PBX1: variants seen among roughly 807,000 people sequenced by gnomAD.
PBX1 encodes the protein pre-B-cell leukemia transcription factor 1.
Under a neutral mutation model 53.4 loss-of-function variants are expected in PBX1, and 6 were observed. That is an observed-to-expected ratio of 0.11 (90% CI 0.06 to 0.22). The LOEUF (loss-of-function observed/expected upper bound fraction) is 0.22, where lower values mean the gene tolerates loss of function less well. Among genes scored for constraint, PBX1 ranks in the 10% least tolerant of loss-of-function variants. PBX1 has a pLI of 1.00. For synonymous variants in PBX1, 204 were observed against 212.3 expected (o/e 0.96, Z 0.34); for missense variants, 251 against 551.4 (o/e 0.46, Z 5.46).
intron 2 of PBX1, among the ~76,000 whole-genome samples, chr1:164,689,707 C>T (rs1191906822): frequency 2.0e-5 from 3 of 152,198 alleles, no homozygotes; most frequent in Non-Finnish European, 4.4e-5. Context: ...AGATGGCCAA[C>T]GATCTGCTGA....
intron 2 of PBX1, among the ~76,000 whole-genome samples, chr1:164,737,051 G>A (rs562089265): frequency 1.3e-5 from 2 of 152,326 alleles, no homozygotes; most frequent in South Asian, 2.1e-4. Flanking sequence ...CAAGAAAGGT[G>A]TGTGTCTAAG....
chr1:164,735,978 T>C (rs760487989), intron 2 of PBX1, among the ~76,000 whole-genome samples: 6 of 152,136 alleles, frequency 3.9e-5, no homozygotes, highest in African/African-American at 1.2e-4. Context: ...TCAGGAGTCA[T>C]TGTGGCTTGT....
In PBX1 at chr1:164,785,888, G is replaced by A. The variant is rs1028083592; in HGVS notation, c.266-6606G>A. 3.9e-5 allele frequency among the ~76,000 whole-genome samples: 6 copies of A among 152,210 alleles called. 1 individual carries two copies. In the South Asian group the frequency reaches 8.3e-4, roughly 21 times the overall value. On this transcript the variant is annotated intron_variant, in intron 2 of 8. Coordinates refer to ENST00000420696, the MANE Select transcript of PBX1 (RefSeq NM_002585.4). ...CCCAGCACCCAGAGCCTTTGTCACC[G>A]GTAATGTTGGCTTCCTGGGGTCATA...
intron 8 of PBX1, among the ~76,000 whole-genome samples, chr1:164,842,706 C>G (rs2102412557): frequency 6.6e-6 from 1 of 152,168 alleles, no homozygotes; most frequent in East Asian, 1.9e-4. Flanking sequence ...AGACACTCTT[C>G]CACTAAATTG....
intron 2 of PBX1, among the ~76,000 whole-genome samples, chr1:164,861,001 T>G: frequency 1.4e-5 from 2 of 147,128 alleles, no homozygotes; most frequent in Admixed American, 6.8e-5. Flanking sequence ...TAGGAGGAGG[T>G]GGAAAGGGCA....
Position 164,591,441 on chromosome 1 carries a change from C to A in PBX1, c.265+28130C>A, listed in dbSNP as rs192950456. Among the ~76,000 whole-genome samples the A allele has an allele frequency of 6.8e-3, 1,037 of 152,322 alleles. 4 individuals are homozygous for A. The highest frequency in any genetic ancestry group is 0.027 in the Middle Eastern group (8 of 294). On this transcript the variant is annotated intron_variant, in intron 2 of 8. Coordinates refer to ENST00000420696, the MANE Select transcript of PBX1 (RefSeq NM_002585.4). Reference sequence around the variant, plus strand: ...TCGGGCTAAGTTGAATGAAAACTTACCTTTTCACCCATGAAAAAAGGAGCT... The same window carrying A: ...TCGGGCTAAGTTGAATGAAAACTTAACTTTTCACCCATGAAAAAAGGAGCT...
At chr1:164,669,067 A>T (rs1310380745) in intron 2 of PBX1, among the ~76,000 whole-genome samples, 1 of 151,690 alleles carries the variant, frequency 6.6e-6, no homozygotes, top group East Asian at 1.9e-4. Flanking sequence ...AAAGGGGGTA[A>T]CATTTTCCTC....
chr1:164,822,246 A>C (rs1028021865), intron 8 of PBX1, among the ~76,000 whole-genome samples: 2 of 150,348 alleles, frequency 1.3e-5, no homozygotes, highest in African/African-American at 4.9e-5. Flanking sequence ...TAGATTTGGG[A>C]CAGCAATCCA....
At chr1:164,670,306 G>C (rs1426626148) in intron 2 of PBX1, among the ~76,000 whole-genome samples, 1 of 152,194 alleles carries the variant, frequency 6.6e-6, no homozygotes, top group African/African-American at 2.4e-5. Context: ...CTGGAGGCCA[G>C]GGATTTTGCA....
intron 2 of PBX1, among the ~76,000 whole-genome samples, chr1:164,605,004 A>G (rs1656455360): frequency 6.6e-6 from 1 of 152,188 alleles, no homozygotes; most frequent in African/African-American, 2.4e-5. Context: ...TATGGAAGAC[A>G]CCAGTAATCA....
At chr1:164,792,073 A>C (rs1234424267) in intron 2 of PBX1, among the ~76,000 whole-genome samples, 1 of 151,880 alleles carries the variant, frequency 6.6e-6, no homozygotes, top group Non-Finnish European at 1.5e-5. Context: ...TCAACCCCCC[A>C]CTCAGCCTCC....
At chr1:164,884,643 C>G (rs1425477682) in intron 2 of PBX1, 1 of 450,480 alleles carries the variant, frequency 2.2e-6, no homozygotes, top group African/African-American at 2.0e-5. Context: ...AAAGTGGCCT[C>G]TCTTCCGGAA....
At chr1:164,729,360 CT>C (rs1451462499) in intron 2 of PBX1, among the ~76,000 whole-genome samples, 1 of 152,036 alleles carries the variant, frequency 6.6e-6, no homozygotes, top group East Asian at 1.9e-4. Context: ...CCTTGTGCTT[CT>C]TTTTTTCCTT....
chr1:164,736,884 T>G (rs1665320787), intron 2 of PBX1, among the ~76,000 whole-genome samples: 2 of 152,188 alleles, frequency 1.3e-5, no homozygotes, highest in Admixed American at 1.3e-4. Context: ...TTCACTCTAT[T>G]AAAAGAAAGG....
Position 164,600,145 on chromosome 1 carries a change from G to A in PBX1, c.265+36834G>A, listed in dbSNP as rs552447338. ...GTATAATTATGGGAAAATTTAAATG[G>A]GATACTTGAGTCAGGACTGTGTTAA... On this transcript the variant is annotated intron_variant, in intron 2 of 8. Coordinates refer to ENST00000420696, the MANE Select transcript of PBX1 (RefSeq NM_002585.4). 9.0e-5 allele frequency among the ~76,000 whole-genome samples: 11 copies of A among 121,670 alleles called. No individual in the cohort carries two copies. The South Asian group carries it at 3.0e-3, about 33-fold the overall frequency. 79.8% of individuals were successfully genotyped at this position (121,670 alleles called of 152,430 possible).
chr1:164,618,086 A>G (rs1341551156), intron 2 of PBX1, among the ~76,000 whole-genome samples: 1 of 152,148 alleles, frequency 6.6e-6, no homozygotes, highest in Admixed American at 6.6e-5. Context: ...ATTCTTTTCT[A>G]GAAAGCGTTT....
At chr1:164,790,165 T>C (rs1668421339) in intron 2 of PBX1, among the ~76,000 whole-genome samples, 1 of 152,188 alleles carries the variant, frequency 6.6e-6, no homozygotes, top group Non-Finnish European at 1.5e-5. Flanking sequence ...AGCAGCCATC[T>C]ACTTTCTTAA....
Position 164,851,160 on chromosome 1 carries a change from C to G in PBX1, c.*4484C>G, listed in dbSNP as rs1671819398. The G allele has an allele frequency of 4.6e-6, 1 of 216,740 alleles. No homozygotes were observed. The highest frequency in any genetic ancestry group is 1.9e-4 in the South Asian group (1 of 5,358). The allele number at this position is 216,740 out of a possible 1,614,324, so 13.4% of individuals were successfully genotyped here. ...TAGTAACCTCTGACTTAGGCAGCTG[C>G]TTAAAGCAAATTGCAAAACTGGCTT... On this transcript the variant is annotated 3_prime_UTR_variant, in exon 9 of 9. Coordinates refer to ENST00000420696, the MANE Select transcript of PBX1 (RefSeq NM_002585.4).
At chr1:164,694,077 T>C (rs1686184) in intron 2 of PBX1, among the ~76,000 whole-genome samples, 35,773 of 151,930 alleles carry the variant, frequency 0.24, 4,424 homozygotes, top group East Asian at 0.45. Flanking sequence ...TTTTTTTCAA[T>C]TAACTTCTAG....
Sources: gnomAD v4.1 joint callset for allele counts (sites outside exome capture counted in the v4.1 genomes callset) on GRCh38, gnomAD v4.1.1 for gene constraint, MANE v1.5 for transcripts, NCBI Gene and HGNC (gene_info 2026-07-23, HGNC 2026-07-21) for gene names.